Variants in USP28 observed in about 807,000 individuals in gnomAD.
USP28 encodes ubiquitin specific peptidase 28, also known as ubiquitin carboxyl-terminal hydrolase 28.
Under a neutral mutation model 145.0 loss-of-function variants are expected in USP28, and 113 were observed. That is an observed-to-expected ratio of 0.78 (90% CI 0.67 to 0.91). The LOEUF is 0.91. Among genes scored for constraint, USP28 ranks in the 40% least tolerant of loss-of-function variants. The pLI, the probability that USP28 is intolerant of heterozygous loss-of-function variation, is 0.00. For missense variants in USP28, 1,201 were observed against 1,289.6 expected (o/e 0.93, Z 1.05); for synonymous variants, 447 against 450.9 (o/e 0.99, Z 0.11).
chr11:113,819,411 C>A (rs1942265719), intron 12 of USP28, among the ~76,000 whole-genome samples: 1 of 152,042 alleles, frequency 6.6e-6, no homozygotes. Context: ...CTGTGCCTGG[C>A]CAACATTTTT....
At chr11:113,818,374 A>C (rs1165828378) in intron 12 of USP28, among the ~76,000 whole-genome samples, 2 of 151,888 alleles carry the variant, frequency 1.3e-5, no homozygotes, top group African/African-American at 4.8e-5. Flanking sequence ...GATGGTCTCG[A>C]TCTCCTGACT....
rs765929300 is a variant in USP28, at chr11:113,823,604, C to T, written c.1283+1G>A. On this transcript the variant is annotated splice_donor_variant, in intron 12 of 24. Coordinates refer to ENST00000003302, the Ensembl canonical transcript of USP28. LOFTEE classifies it high-confidence loss of function. Reference sequence around the variant, plus strand: ...TAAGCATGAAGGTGTCCAAAACTCACCTTTCCAATTTTTGCTGCAGAATTT... The same window carrying T: ...TAAGCATGAAGGTGTCCAAAACTCATCTTTCCAATTTTTGCTGCAGAATTT... 1 of 1,609,228 alleles carries T rather than the reference C, an allele frequency of 6.2e-7. No individual in the cohort carries two copies. The highest frequency in any genetic ancestry group is 1.1e-5 in the South Asian group (1 of 89,960).
chr11:113,853,878 C>CAAAAAAAAAAAAAAAA (rs57739058), intron 2 of USP28, among the ~76,000 whole-genome samples: 13 of 123,214 alleles, frequency 1.1e-4, no homozygotes, highest in African/African-American at 2.2e-4. Context: ...GACTCCATCT[C>CAAAAAAAAAAAAAAAA]AAAAAAAAAA....
At chr11:113,800,757 A>C (rs1401334498) in intron 24 of USP28, among the ~76,000 whole-genome samples, 3 of 152,160 alleles carry the variant, frequency 2.0e-5, no homozygotes, top group Admixed American at 2.0e-4. Flanking sequence ...TTAATCTTGA[A>C]GTCATCATAG....
exon 20 of USP28, chr11:113,804,915 T>C (rs150148371): frequency 1.8e-4 from 288 of 1,614,118 alleles, no homozygotes; most frequent in Non-Finnish European, 2.4e-4. Flanking sequence ...CCAGAAGGGT[T>C]CGTTCTACTA....
exon 23 of USP28, chr11:113,803,280 A>G: frequency 6.2e-7 from 1 of 1,606,018 alleles, no homozygotes; most frequent in Non-Finnish European, 8.5e-7. Flanking sequence ...GCCTCTTGGT[A>G]CCTTAGAAAA....
chr11:113,828,468 G>C (rs970109931), intron 10 of USP28, among the ~76,000 whole-genome samples: 1 of 152,166 alleles, frequency 6.6e-6, no homozygotes, highest in South Asian at 2.1e-4. Flanking sequence ...TACAGTGAAT[G>C]TATTTTCATA....
intron 24 of USP28, among the ~76,000 whole-genome samples, chr11:113,800,824 T>C (rs1422925730): frequency 6.6e-6 from 1 of 150,678 alleles, no homozygotes; most frequent in East Asian, 1.9e-4. Context: ...ACCCCTCCCA[T>C]AACCATACTC....
intron 15 of USP28, 46 bp from the exon 16 acceptor site, chr11:113,812,550 T>A (rs2135425896): frequency 1.3e-6 from 2 of 1,538,400 alleles, no homozygotes; most frequent in Non-Finnish European, 1.8e-6. Flanking sequence ...AGCAAAGTAA[T>A]CTGATAAAGT....
At chr11:113,809,842 G>A (rs970226142) in intron 16 of USP28, among the ~76,000 whole-genome samples, 1 of 152,102 alleles carries the variant, frequency 6.6e-6, no homozygotes, top group Non-Finnish European at 1.5e-5. Flanking sequence ...GACCAGCCTG[G>A]CCAACATGGT....
intron 24 of USP28, among the ~76,000 whole-genome samples, chr11:113,800,737 A>G (rs1262768208): frequency 1.3e-5 from 2 of 152,196 alleles, no homozygotes; most frequent in Non-Finnish European, 2.9e-5. Context: ...AAGCAAGGAC[A>G]GTCCACTAAT....
chr11:113,857,129 A>G (rs1201256867), intron 1 of USP28, among the ~76,000 whole-genome samples: 2 of 152,212 alleles, frequency 1.3e-5, no homozygotes, highest in African/African-American at 2.4e-5. Context: ...AGACATATAA[A>G]TAAGTCACAC....
intron 8 of USP28, among the ~76,000 whole-genome samples, chr11:113,831,489 T>A (rs775679481): frequency 4.6e-5 from 7 of 152,204 alleles, no homozygotes; most frequent in Non-Finnish European, 2.9e-5. Flanking sequence ...GGGATATCCG[T>A]ATCGTGCCCT....
chr11:113,830,766 G>A (rs1943888004), intron 9 of USP28, 101 bp downstream of exon 9: 3 of 1,091,084 alleles, frequency 2.7e-6, no homozygotes, highest in Non-Finnish European at 4.1e-6. Context: ...GCTGAGTACT[G>A]CTGACTCTCA....
At chr11:113,860,995 G>A (rs1312625551) in intron 1 of USP28, among the ~76,000 whole-genome samples, 1 of 152,014 alleles carries the variant, frequency 6.6e-6, no homozygotes, top group Admixed American at 6.6e-5. Context: ...GCAGGCACCG[G>A]TAGTCCCAGC....
intron 1 of USP28, among the ~76,000 whole-genome samples, chr11:113,871,074 G>A (rs184145128): frequency 1.3e-5 from 2 of 152,318 alleles, no homozygotes; most frequent in Admixed American, 6.5e-5. Context: ...TCTAGAGTGG[G>A]GGTACAGGCA....
At position 113,815,161 on chromosome 11, in the gene USP28, TAA is replaced by T; in HGVS notation, c.1672+11_1672+12del. ...AAAGCAAAGAGTAACTGACAAATTT[TAA>T]AAGAGCCAACCTTGTATATCTTGTT... is the stretch of plus-strand genomic sequence containing the variant. On this transcript the variant is annotated intron_variant, in intron 14 of 24. Coordinates refer to ENST00000003302, the Ensembl canonical transcript of USP28. 1 of 1,608,708 alleles carries T rather than the reference TAA, an allele frequency of 6.2e-7. No homozygotes were observed. The highest frequency in any genetic ancestry group is 8.5e-7 in the Non-Finnish European group (1 of 1,178,802).
rs893444542 is a variant in USP28 at position 113,838,056 on chromosome 11, C to G, written c.534+2542G>C. Among the ~76,000 whole-genome samples the G allele has an allele frequency of 2.0e-5, 3 of 152,086 alleles. No homozygotes were observed. The East Asian group carries it at 5.8e-4, about 29-fold the overall frequency. ...TTTGCAGTTATCATTTCTTCCTCTT[C>G]CCTTCCCATTACTCTCCTGCCCTTT... On this transcript the variant is annotated intron_variant, in intron 5 of 24. Coordinates refer to ENST00000003302, the Ensembl canonical transcript of USP28.
At chr11:113,842,523 T>C (rs1017839975) in intron 3 of USP28, among the ~76,000 whole-genome samples, 17 of 150,296 alleles carry the variant, frequency 1.1e-4, no homozygotes, top group African/African-American at 3.9e-4. Flanking sequence ...AGGTGGAGCT[T>C]GCAGGGAGCC....
Sources: gnomAD v4.1 joint callset for allele counts (sites outside exome capture counted in the v4.1 genomes callset) on GRCh38, gnomAD v4.1.1 for gene constraint, MANE v1.5 for transcripts, NCBI Gene and HGNC (gene_info 2026-07-23, HGNC 2026-07-21) for gene names.